Variants in CIRBP observed in about 807,000 individuals in gnomAD.
CIRBP encodes the protein cold inducible RNA binding protein.
CIRBP carries 11 observed loss-of-function variants against 22.3 expected under a neutral mutation model. That is an observed-to-expected ratio of 0.49 (90% CI 0.31 to 0.82). CIRBP has a LOEUF of 0.82. Among genes scored for constraint, CIRBP ranks in the 40% least tolerant of loss-of-function variants. The pLI, the probability that CIRBP is intolerant of heterozygous loss-of-function variation, is 0.05. For missense variants in CIRBP, 456 were observed against 402.7 expected, an observed-to-expected ratio of 1.13 and a Z score of -1.13; for synonymous variants, 216 against 158.8, an observed-to-expected ratio of 1.36 and a Z score of -2.71.
chr19:1,272,347 G>T lies in CIRBP; in HGVS notation c.798G>T (p.Pro266=). 1 of 1,613,444 alleles carries T rather than the reference G, an allele frequency of 6.2e-7. No individual in the cohort carries two copies. Among genetic ancestry groups the T allele is most frequent in the Non-Finnish European group, 8.5e-7 (1 of 1,179,706 alleles). Residue 266 remains proline (P), a synonymous_variant, in exon 6 of 6, where the codon CCG becomes CCT. Transcript: ENST00000587896. ...CGGWLLPGRR[P]RPGLASGVKL... is the part of the protein sequence containing the mutation. The stretch of plus-strand genomic sequence containing the variant: ...GGTGGTTGCTCCCCGGCCGCAGGCC[G>T]CGCCCTGGTCTGGCCTCTGGGGTGA...
rs1212499040 is a variant in CIRBP at position 1,271,777 on chromosome 19, ACTGCTCAGGACAT to A, written c.431+146_431+158del. 14 of 696,480 alleles carry A rather than the reference ACTGCTCAGGACAT, an allele frequency of 2.0e-5. No homozygotes were observed. The East Asian group carries it at 3.5e-4, about 18-fold the overall frequency. The allele number at this position is 696,480 out of a possible 1,614,324, so 43.1% of individuals were successfully genotyped here. ...GGGACCCAGGCCAAGAGGAGAGGAG[ACTGCTCAGGACAT>A]TCGCAGAAGCGGGAGGGCCTGGGGG... is the stretch of plus-strand genomic sequence containing the variant. On this transcript the variant is annotated intron_variant, in intron 5 of 5. Transcript: ENST00000587896.
intron 1 of CIRBP, chr19:1,270,281 C>A (rs1159467735): frequency 2.7e-6 from 1 of 366,838 alleles, no homozygotes; most frequent in African/African-American, 2.1e-5. Flanking sequence ...GAAGCACGTT[C>A]TGGTCCAGCA....
rs1344958025 is a variant in CIRBP, at chr19:1,271,538, C to T, written c.350-13C>T. 15 of 1,592,782 alleles carry T rather than the reference C, an allele frequency of 9.4e-6. No homozygotes were observed. Among genetic ancestry groups the T allele is most frequent in the Non-Finnish European group, 1.3e-5 (15 of 1,170,210 alleles). ...TGGTGGGAGCTGGTACTCACTTTTT[C>T]CTGTATGTGCAGGAGGAGGGGACCG... On this transcript the variant is annotated splice_polypyrimidine_tract_variant and intron_variant, in intron 4 of 5. Transcript: ENST00000587896.
rs779583943 is a variant in CIRBP at position 1,271,686 on chromosome 19, G to T, written c.431+54G>T. 4 of 1,152,100 alleles carry T rather than the reference G, an allele frequency of 3.5e-6. No homozygotes were observed. The South Asian group carries it at 5.6e-5, about 16-fold the overall frequency. The allele number at this position is 1,152,100 out of a possible 1,614,324, so 71.4% of individuals were successfully genotyped here. The stretch of plus-strand genomic sequence containing the variant: ...GGTGGTTGCGGGATGGCCAGCTTCC[G>T]TCCCGGGTCCCAGGTCCCTGGGGGA... On this transcript the variant is annotated intron_variant, in intron 5 of 5. Coordinates refer to ENST00000587896, the MANE Select transcript of CIRBP (RefSeq NM_001300829.2).
intron 2 of CIRBP, 48 bp downstream of exon 2, chr19:1,271,084 C>T (rs1455120445): frequency 1.4e-5 from 23 of 1,610,002 alleles, no homozygotes; most frequent in Middle Eastern, 1.7e-4. Context: ...GGCTTGTGCT[C>T]CTCCTACCTG....
At position 1,271,967 on chromosome 19, in the gene CIRBP, T is replaced by C; in HGVS notation, c.432-14T>C. The C allele has an allele frequency of 6.2e-7, 1 of 1,600,962 alleles. No homozygotes were observed. Among genetic ancestry groups the C allele is most frequent in the Non-Finnish European group, 8.5e-7 (1 of 1,170,332 alleles). ...CGGGTACCTTCCGGTACTCAACGTT[T>C]GTCTGTCTTGCAGCCGGAGTCAGAG... On this transcript the variant is annotated splice_polypyrimidine_tract_variant and intron_variant, in intron 5 of 5. Transcript: ENST00000587896.
chr19:1,272,042 G>A lies in CIRBP; in HGVS notation c.493G>A (p.Asp165Asn), dbSNP rs749046630. Residue 165 changes from aspartate to asparagine, a missense_variant, in exon 6 of 6, where the codon GAC becomes AAC. Asp to Asn is a conservative substitution (Grantham distance 23). This residue lies in a region of CIRBP where 426 missense variants were observed against 339.6 expected (regional missense o/e 1.25). Coordinates refer to ENST00000587896, the MANE Select transcript of CIRBP (RefSeq NM_001300829.2). Reference sequence around the variant, plus strand: ...GGGCGGGTCCTACAGAGACAGTTATGACAGTTACGGTAAGTCACACTCCGA... The same window carrying A: ...GGGCGGGTCCTACAGAGACAGTTATAACAGTTACGGTAAGTCACACTCCGA... ...SSGGSYRDSYDSYGKSHSEGA... is the reference protein window; with the variant it reads ...SSGGSYRDSYNSYGKSHSEGA... 5 of 1,613,420 alleles carry A rather than the reference G, an allele frequency of 3.1e-6. No homozygotes were observed. Among genetic ancestry groups the A allele is most frequent in the East Asian group, 2.2e-5 (1 of 44,884 alleles).
chr19:1,270,162 G>A (rs771669275), intron 1 of CIRBP: 8 of 508,112 alleles, frequency 1.6e-5, no homozygotes, highest in Non-Finnish European at 3.2e-5. Flanking sequence ...TCCCGGCCTA[G>A]GTCCTGGCTA....
At position 1,274,246 on chromosome 19, in the gene CIRBP, G is replaced by T. The variant is rs1010757534; in HGVS notation, c.*1803G>T. On this transcript the variant is annotated 3_prime_UTR_variant, in exon 6 of 6. Transcript: ENST00000587896. ...GGCTGTGGCTGTTTCCGGGGAGGCC[G>T]GGAGGGGCAGCTGTGAGCCCTGTGG... The T allele has an allele frequency of 2.5e-6, 1 of 400,870 alleles. No individual in the cohort carries two copies. The highest frequency in any genetic ancestry group is 4.4e-6 in the Non-Finnish European group (1 of 226,152). The allele number at this position is 400,870 out of a possible 1,614,324, so 24.8% of individuals were successfully genotyped here. A position where few individuals can be genotyped will look rare whatever the true frequency, so the allele number is the denominator to read the frequency against.
Position 1,272,557 on chromosome 19 carries a change from GTCATTTCGGT to G in CIRBP, c.*117_*126del, listed in dbSNP as rs2081361019. On this transcript the variant is annotated 3_prime_UTR_variant, in exon 6 of 6. Transcript: ENST00000587896. ...ACCTCCTTGTATTCCCACTTTCGTA[GTCATTTCGGT>G]TCTGATCTTGTCAAACCCAGCCTGA... 1.0e-6 allele frequency: 1 copy of G among 958,270 alleles called. No individual in the cohort carries two copies. Among genetic ancestry groups the G allele is most frequent in the Non-Finnish European group, 1.6e-6 (1 of 632,250 alleles). The allele number at this position is 958,270 out of a possible 1,614,324, so 59.4% of individuals were successfully genotyped here.
Position 1,272,929 on chromosome 19 carries a change from G to T in CIRBP, c.*486G>T. 6.4e-6 allele frequency: 1 copy of T among 156,060 alleles called. No individual in the cohort carries two copies. Among genetic ancestry groups the T allele is most frequent in the South Asian group, 1.9e-4 (1 of 5,306 alleles). The allele number at this position is 156,060 out of a possible 1,614,324, so 9.7% of individuals were successfully genotyped here. On this transcript the variant is annotated 3_prime_UTR_variant, in exon 6 of 6. Transcript: ENST00000587896. ...GACGTTTCTGAGTGTAGTGTGGTAG[G>T]ACCCCGGCGGGTGTGGCAGCAACTG...
Position 1,272,250 on chromosome 19 carries a change from G to A in CIRBP, c.701G>A (p.Gly234Glu), listed in dbSNP as rs996911200. ...KPNETDQKGK[G>E]ERGPAGQSAR... ...AATGAGACTGACCAAAAAGGCAAGG[G>A]AGAGCGAGGGCCCGCTGGGCAGTCA... Residue 234 changes from glycine to glutamate, a missense_variant, in exon 6 of 6, where the codon GGA (glycine) becomes GAA (glutamate). Around this residue, in one of 2 missense-constraint regions of CIRBP, gnomAD observed 426 missense variants for 339.6 expected, o/e 1.25. Coordinates refer to ENST00000587896, the MANE Select transcript of CIRBP (RefSeq NM_001300829.2). The A allele has an allele frequency of 2.5e-6, 4 of 1,606,926 alleles. No individual in the cohort carries two copies. The highest frequency in any genetic ancestry group is 1.3e-5 in the African/African-American group (1 of 74,874).
chr19:1,270,154 C>T (rs1160326172), intron 1 of CIRBP: 1 of 512,300 alleles, frequency 2.0e-6, no homozygotes, highest in East Asian at 5.5e-5. Context: ...TTCCCGATTC[C>T]CGGCCTAGGT....
chr19:1,274,384 G>C lies in CIRBP; in HGVS notation c.*1941G>C, dbSNP rs1483973021. The stretch of plus-strand genomic sequence containing the variant: ...ACCTCTGGGGTCACTGTCCCAGGAG[G>C]GACTTCACCTGGAACAAGAGCTGGA... On this transcript the variant is annotated 3_prime_UTR_variant, in exon 6 of 6. Transcript: ENST00000587896. The C allele has an allele frequency of 2.5e-6, 1 of 400,796 alleles. No individual in the cohort carries two copies. The highest frequency in any genetic ancestry group is 3.6e-5 in the East Asian group (1 of 28,088). The allele number at this position is 400,796 out of a possible 1,614,324, so 24.8% of individuals were successfully genotyped here.
At position 1,272,649 on chromosome 19, in the gene CIRBP, GTTTT is replaced by G. The variant is rs201218530; in HGVS notation, c.*212_*215del. ...AGACTTTTCTTTTTAAGGAAGTGCT[GTTTT>G]TTTTTGAGGGTTTTCAAAACATTTT... On this transcript the variant is annotated 3_prime_UTR_variant, in exon 6 of 6. Transcript: ENST00000587896. 4.8e-6 allele frequency: 2 copies of G among 418,004 alleles called. No individual in the cohort carries two copies. The highest frequency in any genetic ancestry group is 8.6e-6 in the Non-Finnish European group (2 of 233,376). 25.9% of individuals were successfully genotyped at this position (418,004 alleles called of 1,614,324 possible). A position where few individuals can be genotyped will look rare whatever the true frequency, so the allele number is the denominator to read the frequency against.
At position 1,274,484 on chromosome 19, in the gene CIRBP, C is replaced by A. The variant is rs775604200; in HGVS notation, c.*2041C>A. On this transcript the variant is annotated 3_prime_UTR_variant, in exon 6 of 6. Coordinates refer to ENST00000587896, the MANE Select transcript of CIRBP (RefSeq NM_001300829.2). ...AGTGGCATGTGGCGCTGAGCCCTGT[C>A]CCGGGCGGCACCTGGGCGTTTCAGT... is the stretch of plus-strand genomic sequence containing the variant. The A allele has an allele frequency of 7.6e-6, 3 of 392,736 alleles. No homozygotes were observed. The highest frequency in any genetic ancestry group is 1.4e-5 in the Non-Finnish European group (3 of 221,684). The allele number at this position is 392,736 out of a possible 1,614,324, so 24.3% of individuals were successfully genotyped here. A position where few individuals can be genotyped will look rare whatever the true frequency, so the allele number is the denominator to read the frequency against.
chr19:1,272,829 T>C lies in CIRBP; in HGVS notation c.*386T>C, dbSNP rs1373785253. ...ATGAAGTGGGTGCCCCACTCACTTCTCTGAGATCGAACGGACTGTGAATCC... is the reference window on the plus strand; with the variant it reads ...ATGAAGTGGGTGCCCCACTCACTTCCCTGAGATCGAACGGACTGTGAATCC... On this transcript the variant is annotated 3_prime_UTR_variant, in exon 6 of 6. Transcript: ENST00000587896. 1 of 166,872 alleles carries C rather than the reference T, an allele frequency of 6.0e-6. No individual in the cohort carries two copies. The highest frequency in any genetic ancestry group is 2.4e-5 in the African/African-American group (1 of 41,714). 10.3% of individuals were successfully genotyped at this position (166,872 alleles called of 1,614,324 possible).
At chr19:1,270,120 C>G in intron 1 of CIRBP, 1 of 519,062 alleles carries the variant, frequency 1.9e-6, no homozygotes, top group South Asian at 1.4e-5. Flanking sequence ...GGAAATCCTG[C>G]CTTATCACTT....
At position 1,272,524 on chromosome 19, in the gene CIRBP, G is replaced by A; in HGVS notation, c.*81G>A. The A allele has an allele frequency of 8.5e-7, 1 of 1,172,574 alleles. No homozygotes were observed. The highest frequency in any genetic ancestry group is 1.2e-6 in the Non-Finnish European group (1 of 822,040). 72.6% of individuals were successfully genotyped at this position (1,172,574 alleles called of 1,614,324 possible). On this transcript the variant is annotated 3_prime_UTR_variant, in exon 6 of 6. Coordinates refer to ENST00000587896, the MANE Select transcript of CIRBP (RefSeq NM_001300829.2). Reference sequence around the variant, plus strand: ...GAGCTTCGCTGAACGTTAATGTGTAGTAAATGCACCTCCTTGTATTCCCAC... The same window carrying A: ...GAGCTTCGCTGAACGTTAATGTGTAATAAATGCACCTCCTTGTATTCCCAC...
Sources: gnomAD v4.1 joint callset for allele counts on GRCh38, gnomAD v4.1.1 for gene constraint, gnomAD v4.1.1 regional missense constraint, MANE v1.5 for transcripts, NCBI Gene and HGNC (gene_info 2026-07-23, HGNC 2026-07-21) for gene names.